CLNK: variants seen among roughly 807,000 people sequenced by gnomAD.
CLNK encodes the protein cytokine dependent hematopoietic cell linker.
In CLNK, 74 loss-of-function variants were observed where a neutral mutation model predicts 68.6. The ratio of observed to expected loss-of-function variants is 1.08; its 90% CI spans 0.89 to 1.31. The LOEUF is 1.31. Ranked by LOEUF, CLNK falls within the 50% of genes most tolerant of loss-of-function variation. CLNK has a pLI of 0.00. For synonymous variants in CLNK, 198 were observed against 172.2 expected, an observed-to-expected ratio of 1.15 and a Z score of -1.17; for missense variants, 553 against 515.3, an observed-to-expected ratio of 1.07 and a Z score of -0.71.
intron 1 of CLNK, among the ~76,000 whole-genome samples, chr4:10,673,224 C>T (rs972673115): frequency 6.6e-6 from 1 of 152,088 alleles, no homozygotes; most frequent in African/African-American, 2.4e-5. Flanking sequence ...GTTCCAGATC[C>T]TAGGAATTAG....
At chr4:10,688,261 A>T (rs575608508), upstream of CLNK, among the ~76,000 whole-genome samples, 1 of 152,086 alleles carries the variant, frequency 6.6e-6, no homozygotes, top group East Asian at 1.9e-4. Context: ...AGCTAAATCT[A>T]TGTTCAAATG....
chr4:10,696,283 A>G, the CLNK span, among the ~76,000 whole-genome samples: 1 of 152,254 alleles, frequency 6.6e-6, no homozygotes, highest in African/African-American at 2.4e-5. Flanking sequence ...TCATCTGTTT[A>G]GACCTAGCTC....
At chr4:10,679,124 G>A (rs879165454) in intron 1 of CLNK, among the ~76,000 whole-genome samples, 10 of 152,116 alleles carry the variant, frequency 6.6e-5, no homozygotes, top group Non-Finnish European at 8.8e-5. Context: ...TATACTACAA[G>A]GCTGCAGCAA....
intron 2 of CLNK, among the ~76,000 whole-genome samples, chr4:10,615,508 CT>C (rs1405863084): frequency 6.6e-6 from 1 of 151,932 alleles, no homozygotes; most frequent in African/African-American, 2.4e-5. Flanking sequence ...CGGAGTAAGA[CT>C]CTGTCTCAAA....
chr4:10,660,724 G>C (rs1174637369), intron 2 of CLNK, among the ~76,000 whole-genome samples: 1 of 152,186 alleles, frequency 6.6e-6, no homozygotes, highest in Non-Finnish European at 1.5e-5. Flanking sequence ...CAGTAAGAGA[G>C]AGAGAAGACT....
intron 2 of CLNK, among the ~76,000 whole-genome samples, chr4:10,667,373 A>ATTTTTT (rs57765419): frequency 2.3e-4 from 33 of 140,948 alleles, no homozygotes; most frequent in African/African-American, 7.9e-4. Flanking sequence ...AGTCCTGCTA[A>ATTTTTT]TTTTTTTTTT....
At chr4:10,687,428 G>T (rs1219635265), upstream of CLNK, among the ~76,000 whole-genome samples, 1 of 152,008 alleles carries the variant, frequency 6.6e-6, no homozygotes, top group East Asian at 1.9e-4. Flanking sequence ...GTAGAAATTT[G>T]CTGGAGCAGA....
intron 3 of CLNK, among the ~76,000 whole-genome samples, chr4:10,587,010 G>C (rs1238222448): frequency 6.6e-6 from 1 of 151,750 alleles, no homozygotes; most frequent in African/African-American, 2.4e-5. Flanking sequence ...AGGCTGGAGG[G>C]CAATGGTGCA....
At chr4:10,542,322 T>A in intron 8 of CLNK, 42 bp from the exon 9 acceptor site, 1 of 1,351,030 alleles carries the variant, frequency 7.4e-7, no homozygotes, top group East Asian at 2.4e-5. Context: ...ATGGAAAATG[T>A]CATCAAGCAT....
chr4:10,603,603 A>G (rs1721674578), intron 2 of CLNK, among the ~76,000 whole-genome samples: 1 of 152,168 alleles, frequency 6.6e-6, no homozygotes, highest in African/African-American at 2.4e-5. Flanking sequence ...CTGTGGAGGG[A>G]AGAGAAAGAG....
chr4:10,540,944 G>A (rs532385697), intron 10 of CLNK, among the ~76,000 whole-genome samples: 50 of 152,214 alleles, frequency 3.3e-4, no homozygotes, highest in Non-Finnish European at 1.5e-5. Context: ...GCCAGGCATG[G>A]TGGCTCACGC....
intron 2 of CLNK, among the ~76,000 whole-genome samples, chr4:10,615,353 T>C (rs1722187925): frequency 2.0e-5 from 3 of 152,066 alleles, no homozygotes; most frequent in Admixed American, 1.3e-4. Flanking sequence ...TGGTGGCACA[T>C]GCCTATAATC....
intron 1 of CLNK, among the ~76,000 whole-genome samples, chr4:10,674,886 A>G (rs1724808446): frequency 6.6e-6 from 1 of 152,144 alleles, no homozygotes; most frequent in Non-Finnish European, 1.5e-5. Context: ...TCAGTTTGCT[A>G]AGAATGATGG....
intron 18 of CLNK, among the ~76,000 whole-genome samples, chr4:10,491,498 C>T (rs932469991): frequency 3.9e-5 from 6 of 152,170 alleles, no homozygotes; most frequent in African/African-American, 1.4e-4. Flanking sequence ...TTTAGCTGCC[C>T]TCCTTAAGCT....
chr4:10,628,953 T>C (rs930879786), intron 2 of CLNK, among the ~76,000 whole-genome samples: 2 of 152,152 alleles, frequency 1.3e-5, no homozygotes, highest in African/African-American at 4.8e-5. Flanking sequence ...TCACAAACCA[T>C]TGTCTGCTCT....
chr4:10,730,602 GA>G, the CLNK span, among the ~76,000 whole-genome samples: 1 of 152,004 alleles, frequency 6.6e-6, no homozygotes, highest in Non-Finnish European at 1.5e-5. Flanking sequence ...TTTAGAAATA[GA>G]ACCACCGCTG....
At chr4:10,558,639 C>G (rs1719771665) in intron 7 of CLNK, among the ~76,000 whole-genome samples, 187 bp from the exon 8 acceptor site, 1 of 152,126 alleles carries the variant, frequency 6.6e-6, no homozygotes, top group African/African-American at 2.4e-5. Context: ...ATGAAGGGTG[C>G]AGTGGCTTGA....
the CLNK span, among the ~76,000 whole-genome samples, chr4:10,730,902 C>T: frequency 6.6e-6 from 1 of 152,198 alleles, no homozygotes; most frequent in African/African-American, 2.4e-5. Context: ...CACATGCACA[C>T]ATACACACAC....
chr4:10,610,264 T>A (rs1345290882), intron 2 of CLNK, among the ~76,000 whole-genome samples: 2 of 149,810 alleles, frequency 1.3e-5, no homozygotes, highest in African/African-American at 4.9e-5. Flanking sequence ...CACCGTGGTC[T>A]CGATCTCCTG....
Sources: gnomAD v4.1 joint callset for allele counts (sites outside exome capture counted in the v4.1 genomes callset) on GRCh38, gnomAD v4.1.1 for gene constraint, MANE v1.5 for transcripts, NCBI Gene and HGNC (gene_info 2026-07-23, HGNC 2026-07-21) for gene names.